The following RAVER2 variants were observed in gnomAD, a reference collection of about 807,000 sequenced individuals.
RAVER2 encodes ribonucleoprotein PTB-binding 2.
Under a neutral mutation model 78.1 loss-of-function variants are expected in RAVER2, and 46 were observed. The observed-to-expected ratio is 0.59, with a 90% confidence interval of 0.46 to 0.75. The LOEUF is 0.75. Ranked by LOEUF, RAVER2 falls within the 30% of genes least tolerant of loss-of-function variation. The probability of loss-of-function intolerance (pLI) is 0.00; values close to 1 mark genes in which losing one functional copy is unlikely to be tolerated. For missense variants in RAVER2, 793 were observed against 837.5 expected, an observed-to-expected ratio of 0.95 and a Z score of 0.66; for synonymous variants, 311 against 313.3, an observed-to-expected ratio of 0.99 and a Z score of 0.08.
chr1:64,783,247 G>A (rs1652684235), intron 4 of RAVER2, among the ~76,000 whole-genome samples: 1 of 152,166 alleles, frequency 6.6e-6, no homozygotes, highest in Non-Finnish European at 1.5e-5. Flanking sequence ...TATATATCCA[G>A]TAATGGAATA....
chr1:64,766,710 T>A (rs564249974), intron 1 of RAVER2, among the ~76,000 whole-genome samples: 33 of 152,278 alleles, frequency 2.2e-4, no homozygotes, highest in African/African-American at 7.2e-4. Context: ...GTTTTCTTTA[T>A]CTAGCATTTG....
At chr1:64,779,209 G>A (rs1652559082) in intron 3 of RAVER2, among the ~76,000 whole-genome samples, 1 of 151,748 alleles carries the variant, frequency 6.6e-6, no homozygotes, top group African/African-American at 2.4e-5. Flanking sequence ...TCATCATGTT[G>A]TCCAAAAGAT....
At chr1:64,816,631 T>G (rs1653762252) in intron 11 of RAVER2, 1 of 152,260 alleles carries the variant, frequency 6.6e-6, no homozygotes, top group African/African-American at 2.4e-5. Flanking sequence ...TAACACTTGC[T>G]ATATGCTTTG....
rs377354539 is a variant in RAVER2, at chr1:64,801,049, C to G, written c.1106-1927C>G. Among the ~76,000 whole-genome samples, 30 of 149,942 alleles carry G rather than the reference C, an allele frequency of 2.0e-4. 7 individuals carry two copies. Among genetic ancestry groups the G allele is most frequent in the Admixed American group, 4.0e-4 (6 of 15,022 alleles). On this transcript the variant is annotated intron_variant, in intron 5 of 11. Coordinates refer to ENST00000294428, the Ensembl canonical transcript of RAVER2. The stretch of plus-strand genomic sequence containing the variant: ...TATTACAAGAAGATGTTGCCAGAAC[C>G]TTTTCTGGACACTGTTTGTATATTT...
At chr1:64,772,648 A>G (rs1357932110) in intron 2 of RAVER2, among the ~76,000 whole-genome samples, 2 of 152,208 alleles carry the variant, frequency 1.3e-5, no homozygotes, top group African/African-American at 4.8e-5. Flanking sequence ...TAATGCATGG[A>G]CGAATTTGAA....
At chr1:64,780,017 T>A (rs1313354250) in intron 3 of RAVER2, among the ~76,000 whole-genome samples, 1 of 152,110 alleles carries the variant, frequency 6.6e-6, no homozygotes, top group African/African-American at 2.4e-5. Flanking sequence ...TTTTGTTTTT[T>A]GAAAGACTTA....
At chr1:64,812,947 C>A in intron 10 of RAVER2, 98 bp downstream of exon 10, 2 of 763,294 alleles carry the variant, frequency 2.6e-6, no homozygotes, top group South Asian at 2.8e-5. Context: ...CAAATAATAC[C>A]TATTGACCAA....
chr1:64,782,221 G>T (rs778820974), intron 4 of RAVER2, among the ~76,000 whole-genome samples: 2 of 152,152 alleles, frequency 1.3e-5, no homozygotes, highest in Non-Finnish European at 2.9e-5. Flanking sequence ...TATTCAAGAA[G>T]TTTTCACAAG....
intron 1 of RAVER2, among the ~76,000 whole-genome samples, chr1:64,753,360 T>TA (rs966871810): frequency 7.9e-5 from 12 of 151,928 alleles, no homozygotes; most frequent in East Asian, 1.9e-4. Flanking sequence ...TGGCTTTTTT[T>TA]AAAAAAAATA....
chr1:64,779,444 C>T (rs142873081), intron 3 of RAVER2, among the ~76,000 whole-genome samples: 1 of 152,048 alleles, frequency 6.6e-6, no homozygotes, highest in East Asian at 1.9e-4. Context: ...TCATGGCCCA[C>T]AGTAGTCCCA....
chr1:64,790,717 A>ACATAT (rs1181256525), intron 5 of RAVER2, among the ~76,000 whole-genome samples: 2 of 152,220 alleles, frequency 1.3e-5, no homozygotes, highest in African/African-American at 2.4e-5. Flanking sequence ...GGTTCTTGGA[A>ACATAT]CATATCGCTC....
At chr1:64,764,414 C>T (rs1260467911) in intron 1 of RAVER2, among the ~76,000 whole-genome samples, 1 of 150,462 alleles carries the variant, frequency 6.6e-6, no homozygotes, top group Non-Finnish European at 1.5e-5. Context: ...GAACTCCAAA[C>T]TCACTAAAAA....
intron 1 of RAVER2, among the ~76,000 whole-genome samples, chr1:64,764,370 TGGGAAAA>T (rs1451159871): frequency 1.3e-5 from 2 of 150,176 alleles, no homozygotes; most frequent in African/African-American, 4.9e-5. Context: ...TTTTCCCATA[TGGGAAAA>T]GGGAAAAAAA....
At chr1:64,831,042 C>G (rs568087258) in exon 12 of RAVER2, 4 of 1,524,886 alleles carry the variant, frequency 2.6e-6, no homozygotes, top group Non-Finnish European at 3.6e-6. Flanking sequence ...TGCTGTTCAT[C>G]GCTGCCTTAA....
exon 2 of RAVER2, chr1:64,768,678 A>T: frequency 6.4e-7 from 1 of 1,562,426 alleles, no homozygotes. Flanking sequence ...TTGTTAAAAG[A>T]CTATGACTTA....
intron 2 of RAVER2, among the ~76,000 whole-genome samples, chr1:64,775,234 G>A (rs937081269): frequency 6.6e-6 from 1 of 152,184 alleles, no homozygotes; most frequent in Non-Finnish European, 1.5e-5. Context: ...TGGCACTAAA[G>A]GTTAGAAAGA....
At chr1:64,828,080 C>T (rs1043878260) in intron 11 of RAVER2, among the ~76,000 whole-genome samples, 14 of 152,198 alleles carry the variant, frequency 9.2e-5, no homozygotes, top group African/African-American at 2.9e-4. Flanking sequence ...TCCTCATGTC[C>T]ATATCTGACC....
intron 5 of RAVER2, among the ~76,000 whole-genome samples, chr1:64,792,278 G>T (rs1295623271): frequency 2.6e-5 from 4 of 152,104 alleles, no homozygotes; most frequent in African/African-American, 9.7e-5. Flanking sequence ...CTTCTGGGTT[G>T]TCCCAAAATA....
intron 9 of RAVER2, among the ~76,000 whole-genome samples, chr1:64,808,853 T>C (rs1653521636): frequency 6.6e-6 from 1 of 152,190 alleles, no homozygotes; most frequent in Admixed American, 6.5e-5. Flanking sequence ...AACTTGTATA[T>C]GAATACTTCA....
Sources: gnomAD v4.1 joint callset for allele counts (sites outside exome capture counted in the v4.1 genomes callset) on GRCh38, gnomAD v4.1.1 for gene constraint, MANE v1.5 for transcripts, NCBI Gene and HGNC (gene_info 2026-07-23, HGNC 2026-07-21) for gene names.